The following CNTNAP5 variants were observed in gnomAD, a reference collection of about 807,000 sequenced individuals.
CNTNAP5 encodes contactin-associated protein-like 5.
A neutral mutation model predicts 150.2 loss-of-function variants in CNTNAP5; 72 were observed. That is an observed-to-expected ratio of 0.48 (90% confidence interval 0.40 to 0.58). The LOEUF (loss-of-function observed/expected upper bound fraction) is 0.58. Among genes scored for constraint, CNTNAP5 ranks in the 20% least tolerant of loss-of-function variants. CNTNAP5 has a pLI of 0.00. For missense variants in CNTNAP5, 1,636 were observed against 1,626.2 expected (o/e 1.01, Z -0.10); for synonymous variants, 672 against 619.8 (o/e 1.08, Z -1.25).
At position 124,589,013 on chromosome 2, in the gene CNTNAP5, C is replaced by CT. The variant is rs562767914; in HGVS notation, c.1757-20781dup. Among the ~76,000 whole-genome samples, 326 of 152,216 alleles carry CT rather than the reference C, an allele frequency of 2.1e-3. 1 individual carries two copies. Among genetic ancestry groups the CT allele is most frequent in the Non-Finnish European group, 4.1e-3 (276 of 68,004 alleles). ...TACAACATAACATCCCATCCTTTAACTTTTTTTCAGGTTTATTGAAGCATA... is the reference window on the plus strand; with the variant it reads ...TACAACATAACATCCCATCCTTTAACTTTTTTTTCAGGTTTATTGAAGCATA... On this transcript the variant is annotated intron_variant, in intron 11 of 23. Transcript: ENST00000682447.
chr2:124,121,980 C>A (rs2104717116), intron 1 of CNTNAP5, among the ~76,000 whole-genome samples: 1 of 152,248 alleles, frequency 6.6e-6, no homozygotes, highest in Non-Finnish European at 1.5e-5. Flanking sequence ...TTCATTTTTC[C>A]TCCTCAGCTC....
chr2:124,704,022 C>T (rs116586117), intron 13 of CNTNAP5, among the ~76,000 whole-genome samples: 50 of 152,310 alleles, frequency 3.3e-4, no homozygotes, highest in African/African-American at 1.1e-3. Flanking sequence ...GTAGCTGTCA[C>T]CATTCGAACA....
chr2:124,547,636 G>A (rs10172675), intron 10 of CNTNAP5, among the ~76,000 whole-genome samples: 59,937 of 152,024 alleles, frequency 0.39, 12,317 homozygotes, highest in Middle Eastern at 0.56. Flanking sequence ...GTATTCTTGC[G>A]TAAGTGCTTG....
At chr2:124,636,308 C>T (rs1444163301) in intron 12 of CNTNAP5, among the ~76,000 whole-genome samples, 1 of 151,982 alleles carries the variant, frequency 6.6e-6, no homozygotes, top group Non-Finnish European at 1.5e-5. Context: ...ATGTAAACTG[C>T]AAGAAAAAAG....
intron 1 of CNTNAP5, among the ~76,000 whole-genome samples, chr2:124,168,157 T>C (rs1684849524): frequency 1.3e-5 from 2 of 152,160 alleles, no homozygotes; most frequent in African/African-American, 2.4e-5. Flanking sequence ...CATGATTACA[T>C]TTTTCAACTG....
intron 20 of CNTNAP5, among the ~76,000 whole-genome samples, chr2:124,868,262 T>A (rs1430009586): frequency 1.3e-5 from 2 of 152,162 alleles, no homozygotes; most frequent in African/African-American, 4.8e-5. Context: ...AGAGAAAAAG[T>A]CAAAGGTCTT....
chr2:124,527,287 T>A lies in CNTNAP5; in HGVS notation c.1480T>A (p.Cys494Ser), dbSNP rs1379357783. The A allele has an allele frequency of 6.2e-7, 1 of 1,612,432 alleles. No homozygotes were observed. Residue 494 changes from cysteine (C) to serine (S), a missense_variant and splice_region_variant, in exon 10 of 24, where the codon TGC (cysteine) becomes AGC (serine). Cys to Ser is a moderately radical substitution (Grantham distance 112). Transcript: ENST00000682447. ...CATCTTTTTTCTCTGTCCCACAGGG[T>A]GCCCCGACAATCTCACCGATTCCCA... Reference protein sequence around the residue: ...YSGNSYYFGGCPDNLTDSQCL... With the variant: ...YSGNSYYFGGSPDNLTDSQCL...
intron 7 of CNTNAP5, among the ~76,000 whole-genome samples, chr2:124,484,808 C>T (rs1187859145): frequency 6.6e-6 from 1 of 152,212 alleles, no homozygotes; most frequent in African/African-American, 2.4e-5. Flanking sequence ...TTTTACTTCA[C>T]ATAACATTTT....
At chr2:124,071,452 G>A (rs2104664696) in intron 1 of CNTNAP5, among the ~76,000 whole-genome samples, 1 of 151,806 alleles carries the variant, frequency 6.6e-6, no homozygotes, top group South Asian at 2.1e-4. Flanking sequence ...CAAACATTTA[G>A]CCAGACTGAC....
chr2:124,342,563 A>G (rs529248949), intron 3 of CNTNAP5, among the ~76,000 whole-genome samples: 1 of 152,188 alleles, frequency 6.6e-6, no homozygotes, highest in East Asian at 1.9e-4. Context: ...CTTTGGTAAT[A>G]TAACAGTGTT....
rs772589224 is a variant in CNTNAP5 at position 124,419,988 on chromosome 2, C to CT, written c.529+2419dup. On this transcript the variant is annotated intron_variant, in intron 4 of 23. Coordinates refer to ENST00000682447, the MANE Select transcript of CNTNAP5 (RefSeq NM_001367498.1). ...TCTCTCTCTCTTTCTTTCTTTCTTT[C>CT]TTTTTTTTTTTTTTTTTTTTTGAGA... is the stretch of plus-strand genomic sequence containing the variant. 3.8e-3 allele frequency among the ~76,000 whole-genome samples: 299 copies of CT among 78,802 alleles called. 21 individuals are homozygous for CT. Among genetic ancestry groups the CT allele is most frequent in the African/African-American group, 0.012 (236 of 20,234 alleles). The allele number at this position is 78,802 out of a possible 152,430, so 51.7% of individuals were successfully genotyped here.
At chr2:124,603,002 TCTCCCTCCCTCCCTCC>T (rs55819925) in intron 11 of CNTNAP5, among the ~76,000 whole-genome samples, 4,170 of 137,726 alleles carry the variant, frequency 0.03, 74 homozygotes, top group African/African-American at 0.045. Context: ...ATCTTCCCTC[TCTCCCTCCCTCCCTCC>T]CTCCCTCCCT....
rs1466359298 is a variant in CNTNAP5, at chr2:124,565,043, C to T, written c.1756+1720C>T. Among the ~76,000 whole-genome samples, 6 of 152,170 alleles carry T rather than the reference C, an allele frequency of 3.9e-5. No homozygotes were observed. In the South Asian group the frequency reaches 8.3e-4, roughly 21 times the overall value. On this transcript the variant is annotated intron_variant, in intron 11 of 23. Transcript: ENST00000682447. ...ATGGTAGATGCCAATAGGGCTGGAA[C>T]CCTGGGATTCCAGCCAAGGATAAGT... is the stretch of plus-strand genomic sequence containing the variant.
rs111758804 is a variant in CNTNAP5 at position 124,750,393 on chromosome 2, C to T, written c.2234+3008C>T. ...TGTCATTCTCAAGAGGGAGTAGAGA[C>T]TGATATTCTGATTCAACACTTCTGA... On this transcript the variant is annotated intron_variant, in intron 14 of 23. Transcript: ENST00000682447. Among the ~76,000 whole-genome samples, 761 of 152,302 alleles carry T rather than the reference C, an allele frequency of 5.0e-3. 5 individuals carry two copies. Among genetic ancestry groups the T allele is most frequent in the African/African-American group, 0.017 (709 of 41,574 alleles).
At chr2:124,735,510 T>C (rs1367432917) in intron 13 of CNTNAP5, among the ~76,000 whole-genome samples, 2 of 152,186 alleles carry the variant, frequency 1.3e-5, no homozygotes, top group Non-Finnish European at 2.9e-5. Context: ...ACAATATATT[T>C]GGGAATATCC....
chr2:124,572,113 G>A (rs1243817480), intron 11 of CNTNAP5, among the ~76,000 whole-genome samples: 1 of 152,160 alleles, frequency 6.6e-6, no homozygotes, highest in Non-Finnish European at 1.5e-5. Flanking sequence ...GCTGTTGAGA[G>A]GATTTCATTC....
Position 124,911,514 on chromosome 2 carries a change from C to T in CNTNAP5, c.3703C>T (p.Arg1235Ter), listed in dbSNP as rs982218609. ...GCGGGAACCACTCACAAATGCTGTT[C>T]GAAGTGATTCGGCAGTCATCGGAGG... ...DEREPLTNAVRSDSAVIGGVI... is the reference protein window; with the variant it reads ...DEREPLTNAV Residue 1235 changes from arginine (R) to a stop codon, truncating the protein, a stop_gained, in exon 23 of 24, where the codon CGA (arginine) becomes TGA (stop). Coordinates refer to ENST00000682447, the MANE Select transcript of CNTNAP5 (RefSeq NM_001367498.1). LOFTEE classifies it high-confidence loss of function. The T allele has an allele frequency of 1.2e-6, 2 of 1,601,180 alleles. No individual in the cohort carries two copies. Among genetic ancestry groups the T allele is most frequent in the African/African-American group, 1.3e-5 (1 of 74,648 alleles).
chr2:124,906,607 T>C (rs771956667), intron 22 of CNTNAP5, among the ~76,000 whole-genome samples: 2 of 152,138 alleles, frequency 1.3e-5, no homozygotes, highest in African/African-American at 4.8e-5. Context: ...TTGGGAAATA[T>C]ATTGAGAAAC....
intron 8 of CNTNAP5, among the ~76,000 whole-genome samples, chr2:124,520,052 A>G (rs564767798): frequency 1.4e-4 from 22 of 152,334 alleles, no homozygotes; most frequent in African/African-American, 5.1e-4. Flanking sequence ...GTATAATATA[A>G]AAGAATCTGT....
Sources: gnomAD v4.1 joint callset for allele counts (sites outside exome capture counted in the v4.1 genomes callset) on GRCh38, gnomAD v4.1.1 for gene constraint, MANE v1.5 for transcripts, NCBI Gene and HGNC (gene_info 2026-07-23, HGNC 2026-07-21) for gene names.